The following OR4N2 variants were observed in gnomAD, a reference collection of about 807,000 sequenced individuals.
OR4N2 encodes olfactory receptor 4N2.
For synonymous variants in OR4N2, 141 were observed against 140.4 expected (o/e 1.00, Z -0.03); for missense variants, 307 against 377.6 (o/e 0.81, Z 1.55).
chr14:19,821,192 G>T (rs773937861), intron 1 of OR4N2, among the ~76,000 whole-genome samples: 4 of 152,252 alleles, frequency 2.6e-5, no homozygotes, highest in Non-Finnish European at 4.4e-5. Flanking sequence ...GGAGTTCCCT[G>T]AACCCTTCCA....
chr14:19,825,773 T>C (rs1240101604), intron 1 of OR4N2, among the ~76,000 whole-genome samples: 16 of 152,142 alleles, frequency 1.1e-4, no homozygotes, highest in Non-Finnish European at 2.2e-4. Context: ...TTAGCCAAGA[T>C]GTTCTCGATC....
chr14:19,823,561 T>C (rs1471563399), intron 1 of OR4N2, among the ~76,000 whole-genome samples: 3 of 152,244 alleles, frequency 2.0e-5, no homozygotes, highest in African/African-American at 7.2e-5. Context: ...TTTGTTTTGT[T>C]TTTAGATGTA....
In OR4N2 at chr14:19,829,905, T is replaced by A. The variant is rs1430402201; in HGVS notation, c.*1533T>A. The A allele has an allele frequency of 6.6e-6, 1 of 152,300 alleles. No homozygotes were observed. The highest frequency in any genetic ancestry group is 1.5e-5 in the Non-Finnish European group (1 of 68,060). The allele number at this position is 152,300 out of a possible 1,614,324, so 9.4% of individuals were successfully genotyped here. A position where few individuals can be genotyped will look rare whatever the true frequency, so the allele number is the denominator to read the frequency against. ...AATCCTTCTCTATTCTCACTCTGTT[T>A]ATTGCGTTGCTTCCTGTTTTAGTGA... On this transcript the variant is annotated 3_prime_UTR_variant, in exon 2 of 2. Transcript: ENST00000557677.
At chr14:19,823,077 G>T (rs2138478691) in intron 1 of OR4N2, among the ~76,000 whole-genome samples, 1 of 152,232 alleles carries the variant, frequency 6.6e-6, no homozygotes, top group East Asian at 1.9e-4. Flanking sequence ...CATTTGTTTA[G>T]TGCTTTATAT....
At chr14:19,815,713 T>C (rs1179831661) in intron 1 of OR4N2, among the ~76,000 whole-genome samples, 5 of 151,966 alleles carry the variant, frequency 3.3e-5, no homozygotes, top group African/African-American at 1.2e-4. Flanking sequence ...TTAGATCTCA[T>C]TTGTCAATTT....
chr14:19,828,435 T>A lies in OR4N2; in HGVS notation c.*63T>A. ...TAGAATTTTATCTGAAATTGATTTG[T>A]TTATTTCCAAGTACTGCAATCACTG... On this transcript the variant is annotated 3_prime_UTR_variant, in exon 2 of 2. Coordinates refer to ENST00000557677, the MANE Select transcript of OR4N2 (RefSeq NM_001004723.3). 7.0e-7 allele frequency: 1 copy of A among 1,430,000 alleles called. No homozygotes were observed. Among genetic ancestry groups the A allele is most frequent in the South Asian group, 1.4e-5 (1 of 72,868 alleles). 88.6% of individuals were successfully genotyped at this position (1,430,000 alleles called of 1,614,324 possible). A position where few individuals can be genotyped will look rare whatever the true frequency, so the allele number is the denominator to read the frequency against.
At chr14:19,816,910 G>C (rs1879441113) in intron 1 of OR4N2, among the ~76,000 whole-genome samples, 2 of 152,200 alleles carry the variant, frequency 1.3e-5, no homozygotes. Context: ...TTGAAGGGGT[G>C]AATTTTATCG....
At chr14:19,812,271 T>C (rs1397588406) in intron 1 of OR4N2, among the ~76,000 whole-genome samples, 1 of 151,790 alleles carries the variant, frequency 6.6e-6, no homozygotes, top group African/African-American at 2.4e-5. Flanking sequence ...AAGAAAATTC[T>C]CTTTGAATTT....
At chr14:19,804,150 A>C (rs1412184952) in intron 1 of OR4N2, among the ~76,000 whole-genome samples, 10 of 152,048 alleles carry the variant, frequency 6.6e-5, no homozygotes, top group Non-Finnish European at 1.5e-5. Context: ...AAGAAACAAA[A>C]CCTGGATTTG....
chr14:19,813,020 C>G (rs1214238842), intron 1 of OR4N2, among the ~76,000 whole-genome samples: 3 of 152,126 alleles, frequency 2.0e-5, no homozygotes, highest in Non-Finnish European at 4.4e-5. Flanking sequence ...ATAAAACTTT[C>G]CTAGAAGGGT....
intron 1 of OR4N2, among the ~76,000 whole-genome samples, chr14:19,815,783 T>C (rs540237107): frequency 2.1e-4 from 32 of 152,334 alleles, no homozygotes; most frequent in African/African-American, 7.5e-4. Context: ...CATGCCTATG[T>C]CCTGAATGGT....
intron 1 of OR4N2, among the ~76,000 whole-genome samples, chr14:19,821,714 A>C (rs1879571021): frequency 6.6e-6 from 1 of 152,250 alleles, no homozygotes; most frequent in Non-Finnish European, 1.5e-5. Context: ...ATTTAAAAAA[A>C]TTTAGTTCTT....
intron 1 of OR4N2, among the ~76,000 whole-genome samples, chr14:19,820,914 C>A (rs536584729): frequency 6.6e-6 from 1 of 152,256 alleles, no homozygotes; most frequent in African/African-American, 2.4e-5. Flanking sequence ...TCCCTGGCTT[C>A]AGCCCCATTT....
At chr14:19,824,971 C>T (rs72663746) in intron 1 of OR4N2, among the ~76,000 whole-genome samples, 41,975 of 148,794 alleles carry the variant, frequency 0.28, 2,942 homozygotes, top group African/African-American at 0.32. Flanking sequence ...ATTGTTCAAG[C>T]GTCGACTGTA....
At position 19,828,265 on chromosome 14, in the gene OR4N2, C is replaced by G. The variant is rs528085677; in HGVS notation, c.817C>G (p.Leu273Val). ...TTTCCCAGCTGACAAGGTGGTTTCT[C>G]TCTTCCACACAGTGATTTTTCCTTT... ...RAFPADKVVS[L>V]FHTVIFPLLN... The change falls in exon 2 of 2, where the codon CTC becomes GTC. Residue 273 changes from leucine to valine, a missense_variant. Leu to Val is a conservative substitution (Grantham distance 32, BLOSUM62 1). Coordinates refer to ENST00000557677, the MANE Select transcript of OR4N2 (RefSeq NM_001004723.3). 2.8e-5 allele frequency: 46 copies of G among 1,614,236 alleles called. No individual in the cohort carries two copies. In the South Asian group the frequency reaches 4.7e-4, roughly 17 times the overall value.
intron 1 of OR4N2, among the ~76,000 whole-genome samples, chr14:19,824,466 A>C (rs1171738222): frequency 6.6e-6 from 1 of 152,246 alleles, no homozygotes; most frequent in African/African-American, 2.4e-5. Flanking sequence ...TGTCTCAGGG[A>C]TATTGTTAAA....
rs755351760 is a variant in OR4N2, at chr14:19,828,313, C to G, written c.865C>G (p.Leu289Val). 6.2e-7 allele frequency: 1 copy of G among 1,614,094 alleles called. No homozygotes were observed. The highest frequency in any genetic ancestry group is 8.5e-7 in the Non-Finnish European group (1 of 1,180,016). ...FPLLNPVIYT[L>V]RNQEVKASMK... is the part of the protein sequence containing the mutation. ...TTTGTTGAATCCTGTCATTTATACC[C>G]TTCGCAACCAGGAAGTGAAAGCTTC... Residue 289 changes from leucine to valine, a missense_variant, in exon 2 of 2, where the codon CTT (leucine) becomes GTT (valine). Physicochemically the swap from Leu to Val is conservative, Grantham distance 32 (BLOSUM62 1). Transcript: ENST00000557677.
At chr14:19,826,562 G>A (rs1248903767) in intron 1 of OR4N2, among the ~76,000 whole-genome samples, 1 of 152,250 alleles carries the variant, frequency 6.6e-6, no homozygotes, top group Non-Finnish European at 1.5e-5. Flanking sequence ...TACTTACAGT[G>A]TATCTATGCT....
intron 1 of OR4N2, among the ~76,000 whole-genome samples, chr14:19,823,017 C>G (rs1879604591): frequency 6.6e-6 from 1 of 152,246 alleles, no homozygotes. Context: ...GCCATTTAAT[C>G]TGGCCATCTC....
Sources: gnomAD v4.1 joint callset for allele counts (sites outside exome capture counted in the v4.1 genomes callset) on GRCh38, gnomAD v4.1.1 for gene constraint, MANE v1.5 for transcripts, NCBI Gene and HGNC (gene_info 2026-07-23, HGNC 2026-07-21) for gene names.